Variants in CPS1 observed in about 807,000 individuals in gnomAD.
CPS1 encodes the protein carbamoyl-phosphate synthase [ammonia], mitochondrial.
CPS1 carries 109 observed loss-of-function variants against 174.6 expected under a neutral mutation model. That is an observed-to-expected ratio of 0.62 (90% CI 0.53 to 0.73). The LOEUF (loss-of-function observed/expected upper bound fraction) is 0.73, where lower values mean the gene tolerates loss of function less well. Ranked by LOEUF, CPS1 falls within the 30% of genes least tolerant of loss-of-function variation. CPS1 has a pLI of 0.00. For synonymous variants in CPS1, 637 were observed against 632.0 expected (o/e 1.01, Z -0.12); for missense variants, 1,689 against 1,821.9 (o/e 0.93, Z 1.33).
At chr2:210,595,386 A>G in intron 12 of CPS1, 101 bp from the exon 13 acceptor site, 1 of 834,432 alleles carries the variant, frequency 1.2e-6, no homozygotes. Context: ...TTAGATGACC[A>G]CATAAACTCA....
intron 1 of CPS1, among the ~76,000 whole-genome samples, chr2:210,558,746 C>T (rs1026939716): frequency 1.3e-5 from 2 of 151,970 alleles, no homozygotes; most frequent in African/African-American, 4.8e-5. Flanking sequence ...TCCATACAAC[C>T]ACCACCACAA....
chr2:210,579,875 G>C lies in CPS1; in HGVS notation c.528+105G>C. ...CCTAAGGGATCCATTAATATGTAAAGGAGTGAATCTGGCCAGCTTCTGCTA... is the reference window on the plus strand; with the variant it reads ...CCTAAGGGATCCATTAATATGTAAACGAGTGAATCTGGCCAGCTTCTGCTA... On this transcript the variant is annotated intron_variant, in intron 5 of 37. Transcript: ENST00000233072. 3 of 936,916 alleles carry C rather than the reference G, an allele frequency of 3.2e-6. No homozygotes were observed. The South Asian group carries it at 3.9e-5, about 12-fold the overall frequency. The allele number at this position is 936,916 out of a possible 1,614,324, so 58.0% of individuals were successfully genotyped here.
chr2:210,559,750 T>C (rs552846254), intron 1 of CPS1, among the ~76,000 whole-genome samples: 5 of 152,290 alleles, frequency 3.3e-5, no homozygotes, highest in Non-Finnish European at 5.9e-5. Context: ...CCTAATGCCC[T>C]GTTCTTGGAC....
At chr2:210,599,902 G>C (rs1168323697) in intron 14 of CPS1, among the ~76,000 whole-genome samples, 1 of 151,864 alleles carries the variant, frequency 6.6e-6, no homozygotes, top group Non-Finnish European at 1.5e-5. Context: ...ATTAACATTG[G>C]TTAAGTGCTC....
chr2:210,668,034 CAGA>C, intron 33 of CPS1, 149 bp from the exon 34 acceptor site: 7 of 643,430 alleles, frequency 1.1e-5, no homozygotes, highest in South Asian at 9.3e-5. Flanking sequence ...ATAAAATCTA[CAGA>C]AGGAGTCTAT....
chr2:210,660,676 T>G, intron 32 of CPS1, 21 bp downstream of exon 32: 2 of 1,605,262 alleles, frequency 1.2e-6, no homozygotes, highest in South Asian at 1.1e-5. Flanking sequence ...CAAAAATTTA[T>G]TAGTCATTTT....
At chr2:210,632,888 T>C (rs2105889569) in intron 21 of CPS1, among the ~76,000 whole-genome samples, 1 of 152,392 alleles carries the variant, frequency 6.6e-6, no homozygotes, top group South Asian at 2.1e-4. Context: ...ACCATTTCAA[T>C]TTAATACATT....
At chr2:210,515,316 T>G (rs1489900935) in intron 1 of CPS1, among the ~76,000 whole-genome samples, 1 of 151,000 alleles carries the variant, frequency 6.6e-6, no homozygotes, top group Non-Finnish European at 1.5e-5. Flanking sequence ...TTGCTGTGAA[T>G]CTATTTGCTG....
intron 21 of CPS1, among the ~76,000 whole-genome samples, chr2:210,617,381 A>G (rs998364228): frequency 1.3e-5 from 2 of 152,070 alleles, no homozygotes; most frequent in African/African-American, 2.4e-5. Context: ...GGATGTGTTT[A>G]GAGAAGGAAA....
rs752367186 is a variant in CPS1, at chr2:210,677,126, C to T, written c.4394C>T (p.Thr1465Ile). The T allele has an allele frequency of 1.9e-5, 31 of 1,613,682 alleles. No homozygotes were observed. Among genetic ancestry groups the T allele is most frequent in the African/African-American group, 5.3e-5 (4 of 74,912 alleles). Residue 1465 changes from threonine (T) to isoleucine (I), a missense_variant, in exon 37 of 38, where the codon ACT becomes ATT. By Grantham distance (89) the Thr-to-Ile change is moderately conservative. Coordinates refer to ENST00000233072, the MANE Select transcript of CPS1 (RefSeq NM_001875.5). ...GTTGATAGTGGAATCCCTCTCCTCA[C>T]TAATTTTCAGGTATAGTCTTTTCCT... is the stretch of plus-strand genomic sequence containing the variant. ...TAVDSGIPLLTNFQVTKLFAE... is the reference protein window; with the variant it reads ...TAVDSGIPLLINFQVTKLFAE...
intron 1 of CPS1, among the ~76,000 whole-genome samples, chr2:210,505,966 C>A (rs1476379252): frequency 7.0e-6 from 1 of 142,442 alleles, no homozygotes; most frequent in Non-Finnish European, 1.5e-5. Flanking sequence ...TGGGGGCAGG[C>A]ATAGCCAAAC....
chr2:210,627,870 T>G (rs1427610374), intron 21 of CPS1, among the ~76,000 whole-genome samples: 1 of 152,190 alleles, frequency 6.6e-6, no homozygotes, highest in African/African-American at 2.4e-5. Flanking sequence ...TTCTCCTCCC[T>G]GTTGGTCTGG....
chr2:210,544,769 GTATAA>G (rs1406061813), intron 1 of CPS1, among the ~76,000 whole-genome samples: 4 of 151,990 alleles, frequency 2.6e-5, no homozygotes, highest in Non-Finnish European at 1.5e-5. Context: ...GCATTCTGAA[GTATAA>G]TATAATAGGT....
At chr2:210,576,027 A>G (rs1697697028) in intron 2 of CPS1, among the ~76,000 whole-genome samples, 1 of 152,118 alleles carries the variant, frequency 6.6e-6, no homozygotes, top group Admixed American at 6.6e-5. Flanking sequence ...AACTTTAAAT[A>G]GAGCAGGGAT....
chr2:210,638,747 C>A (rs1700115687), intron 22 of CPS1, among the ~76,000 whole-genome samples: 1 of 152,274 alleles, frequency 6.6e-6, no homozygotes, highest in East Asian at 1.9e-4. Flanking sequence ...GTGCCACAGG[C>A]CACTTAAATC....
intron 1 of CPS1, among the ~76,000 whole-genome samples, chr2:210,517,891 G>A (rs1695723535): frequency 1.3e-5 from 2 of 151,922 alleles, no homozygotes; most frequent in Non-Finnish European, 2.9e-5. Flanking sequence ...TTATACCTTT[G>A]GTAACTGTTA....
At chr2:210,638,835 G>A (rs1407618422) in intron 22 of CPS1, among the ~76,000 whole-genome samples, 1 of 152,128 alleles carries the variant, frequency 6.6e-6, no homozygotes, top group Non-Finnish European at 1.5e-5. Context: ...ATATACAGCT[G>A]CTTTTAGAGA....
rs781029380 is a variant in CPS1 at position 210,576,359 on chromosome 2, A to G, written c.250A>G (p.Ile84Val). 4.3e-6 allele frequency: 7 copies of G among 1,613,656 alleles called. No homozygotes were observed. Among genetic ancestry groups the G allele is most frequent in the East Asian group, 2.2e-5 (1 of 44,852 alleles). Residue 84 changes from isoleucine (I) to valine (V), a missense_variant, in exon 3 of 38, where the codon ATT (isoleucine) becomes GTT (valine). Ile to Val is a conservative substitution (Grantham distance 29). Transcript: ENST00000233072. ...NTGLGGYPEA[I>V]TDPAYKGQIL... is the part of the protein sequence containing the mutation. ...ATGTTTACCCAGGTACCCAGAAGCT[A>G]TTACTGACCCTGCCTACAAAGGACA...
intron 1 of CPS1, among the ~76,000 whole-genome samples, chr2:210,546,091 A>G (rs1696557450): frequency 6.6e-6 from 1 of 152,052 alleles, no homozygotes; most frequent in East Asian, 1.9e-4. Context: ...TCCACTTCTA[A>G]GAATAAAACT....
Sources: gnomAD v4.1 joint callset for allele counts (sites outside exome capture counted in the v4.1 genomes callset) on GRCh38, gnomAD v4.1.1 for gene constraint, MANE v1.5 for transcripts, NCBI Gene and HGNC (gene_info 2026-07-23, HGNC 2026-07-21) for gene names.